Variants in LONRF1 observed in about 807,000 individuals in gnomAD.
LONRF1 encodes the protein LON peptidase N-terminal domain and RING finger protein 1.
LONRF1 carries 37 observed loss-of-function variants against 85.8 expected under a neutral mutation model. That is an observed-to-expected ratio of 0.43 (90% CI 0.33 to 0.57). The LOEUF (loss-of-function observed/expected upper bound fraction) is 0.57. Ranked by LOEUF, LONRF1 falls within the 20% of genes least tolerant of loss-of-function variation. The pLI is 0.04. For missense variants in LONRF1, 1,036 were observed against 978.0 expected (o/e 1.06, Z -0.79); for synonymous variants, 517 against 390.1 (o/e 1.33, Z -3.83).
chr8:12,754,521 C>G (rs1012372947), intron 1 of LONRF1, among the ~76,000 whole-genome samples, 179 bp downstream of exon 1: 8 of 151,940 alleles, frequency 5.3e-5, no homozygotes, highest in African/African-American at 1.4e-4. Context: ...ATGACCGAAG[C>G]ACCCCGGGGC....
intron 1 of LONRF1, chr8:12,753,345 G>T (rs911016818): frequency 2.6e-5 from 4 of 152,192 alleles, no homozygotes; most frequent in Non-Finnish European, 5.9e-5. Context: ...AAATTTACCT[G>T]TAATACCTAA....
At chr8:12,747,375 G>A (rs568171631) in intron 1 of LONRF1, among the ~76,000 whole-genome samples, 9 of 152,138 alleles carry the variant, frequency 5.9e-5, no homozygotes, top group African/African-American at 1.7e-4. Context: ...CTTCAAGAAA[G>A]TTTTTTTCAA....
intron 8 of LONRF1, among the ~76,000 whole-genome samples, chr8:12,729,726 T>C (rs1798456857): frequency 1.3e-5 from 2 of 152,160 alleles, no homozygotes; most frequent in African/African-American, 2.4e-5. Context: ...TAGTTACTCT[T>C]AGATAACAAG....
intron 3 of LONRF1, among the ~76,000 whole-genome samples, chr8:12,739,341 C>CAA (rs35823658): frequency 1.9e-5 from 2 of 106,090 alleles, no homozygotes; most frequent in South Asian, 6.0e-4. Flanking sequence ...ATATGTTCAG[C>CAA]AAAAAAAAAA....
At chr8:12,740,719 A>G (rs138610747) in intron 3 of LONRF1, among the ~76,000 whole-genome samples, 155 bp downstream of exon 3, 362 of 152,352 alleles carry the variant, frequency 2.4e-3, no homozygotes, top group Non-Finnish European at 4.0e-3. Context: ...TATAATACGT[A>G]CATGAACCTG....
chr8:12,748,971 T>C (rs1288951920), intron 1 of LONRF1, among the ~76,000 whole-genome samples: 1 of 152,156 alleles, frequency 6.6e-6, no homozygotes, highest in Non-Finnish European at 1.5e-5. Flanking sequence ...ATTCAGAAAT[T>C]GGGTTCAGAT....
chr8:12,733,737 A>G (rs1295937253), intron 7 of LONRF1, among the ~76,000 whole-genome samples: 1 of 152,210 alleles, frequency 6.6e-6, no homozygotes, highest in East Asian at 1.9e-4. Context: ...CTGGACTATT[A>G]TGCTGCTATA....
At chr8:12,747,863 T>G (rs7464076) in intron 1 of LONRF1, among the ~76,000 whole-genome samples, 1 of 152,200 alleles carries the variant, frequency 6.6e-6, no homozygotes, top group African/African-American at 2.4e-5. Flanking sequence ...TTCTGTCTGG[T>G]CTGCTGGTGC....
In LONRF1 at chr8:12,736,750, G is replaced by A. The variant is rs767081597; in HGVS notation, c.1402C>T (p.Pro468Ser). The A allele has an allele frequency of 4.3e-6, 7 of 1,612,050 alleles. No individual in the cohort carries two copies. The highest frequency in any genetic ancestry group is 5.9e-6 in the Non-Finnish European group (7 of 1,179,014). ...TCTGAGACATCGATTAATTCTTCTG[G>A]AATATCACCATAAGCTAAGGAAAAC... ...CMFSLAYGDI[P>S]EELIDVSDFE... The change falls in exon 6 of 12, where the codon CCA (proline) becomes TCA (serine). Residue 468 changes from proline (P) to serine (S), a missense_variant. Coordinates refer to ENST00000398246, the MANE Select transcript of LONRF1 (RefSeq NM_152271.5).
intron 3 of LONRF1, among the ~76,000 whole-genome samples, chr8:12,740,632 AAACT>A (rs1798895279): frequency 6.6e-6 from 1 of 152,200 alleles, no homozygotes; most frequent in Non-Finnish European, 1.5e-5. Flanking sequence ...CAGATTGAAC[AAACT>A]ATTAGAATAC....
Position 12,735,183 on chromosome 8 carries a change from A to G in LONRF1, c.1566+103T>C, listed in dbSNP as rs543028100. On this transcript the variant is annotated intron_variant, in intron 7 of 11. Coordinates refer to ENST00000398246, the MANE Select transcript of LONRF1 (RefSeq NM_152271.5). ...CCTTGTTAGTCACTCAGAATATAGA[A>G]TGTAATTCTGAACGTGATCATCACT... The G allele has an allele frequency of 1.0e-4, 73 of 731,884 alleles. No individual in the cohort carries two copies. In the African/African-American group the frequency reaches 1.1e-3, roughly 11 times the overall value. 45.3% of individuals were successfully genotyped at this position (731,884 alleles called of 1,614,324 possible).
At position 12,733,591 on chromosome 8, in the gene LONRF1, TAATATCTGTC is replaced by T. The variant is rs1563141245; in HGVS notation, c.1566+1685_1566+1694del. Among the ~76,000 whole-genome samples the T allele has an allele frequency of 2.8e-3, 425 of 152,280 alleles. 1 individual carries two copies. Among genetic ancestry groups the T allele is most frequent in the African/African-American group, 9.5e-3 (395 of 41,576 alleles). ...ACTCTGTCCTTCAGTGACAGATATATAATATCTGTCATAATATCTTCGATTACATAAAGAT... is the reference window on the plus strand; with the variant it reads ...ACTCTGTCCTTCAGTGACAGATATATATAATATCTTCGATTACATAAAGAT... On this transcript the variant is annotated intron_variant, in intron 7 of 11. Transcript: ENST00000398246.
Position 12,723,222 on chromosome 8 carries a change from CCACCAA to C in LONRF1, c.2190_2195del (p.Cys730_Trp731del). On this transcript the variant is annotated inframe_deletion, in exon 12 of 12. Coordinates refer to ENST00000398246, the MANE Select transcript of LONRF1 (RefSeq NM_152271.5). ...GGTCTACAGGGAGAACTGCAAGAAGCCACCAACACCATGCAGGTCCATTAGGGGCTG... is the reference window on the plus strand; with the variant it reads ...GGTCTACAGGGAGAACTGCAAGAAGCCACCATGCAGGTCCATTAGGGGCTG... 6.2e-7 allele frequency: 1 copy of C among 1,613,618 alleles called. No individual in the cohort carries two copies. Among genetic ancestry groups the C allele is most frequent in the East Asian group, 2.2e-5 (1 of 44,892 alleles).
chr8:12,728,497 C>T (rs938776711), intron 10 of LONRF1, among the ~76,000 whole-genome samples: 4 of 152,188 alleles, frequency 2.6e-5, no homozygotes, highest in African/African-American at 4.8e-5. Context: ...CTAATTCCAT[C>T]GGCTTCAACT....
chr8:12,729,761 A>T (rs1769022795), intron 8 of LONRF1, among the ~76,000 whole-genome samples: 2 of 152,240 alleles, frequency 1.3e-5, no homozygotes, highest in Non-Finnish European at 2.9e-5. Flanking sequence ...CACAACAAAG[A>T]GCAAATACTT....
chr8:12,749,173 T>C (rs929789828), intron 1 of LONRF1, among the ~76,000 whole-genome samples: 2 of 152,106 alleles, frequency 1.3e-5, no homozygotes, highest in African/African-American at 4.8e-5. Flanking sequence ...CAAAACAAAG[T>C]GATGAAGATA....
chr8:12,752,501 G>T (rs941457346), intron 1 of LONRF1, among the ~76,000 whole-genome samples: 1 of 152,130 alleles, frequency 6.6e-6, no homozygotes, highest in Non-Finnish European at 1.5e-5. Context: ...AACTAAAAAT[G>T]AGGAAAAAAT....
At chr8:12,734,312 T>C (rs1275613639) in intron 7 of LONRF1, among the ~76,000 whole-genome samples, 2 of 152,202 alleles carry the variant, frequency 1.3e-5, no homozygotes, top group East Asian at 3.8e-4. Flanking sequence ...ATAACAGACA[T>C]GCTATTATGA....
chr8:12,723,408 G>C (rs1297406399), intron 11 of LONRF1, among the ~76,000 whole-genome samples, 154 bp from the exon 12 acceptor site: 1 of 152,212 alleles, frequency 6.6e-6, no homozygotes, highest in African/African-American at 2.4e-5. Context: ...TATAAAATGG[G>C]AGAAACTGAA....
Sources: gnomAD v4.1 joint callset for allele counts (sites outside exome capture counted in the v4.1 genomes callset) on GRCh38, gnomAD v4.1.1 for gene constraint, MANE v1.5 for transcripts, NCBI Gene and HGNC (gene_info 2026-07-23, HGNC 2026-07-21) for gene names.